Variants in NHLRC2 observed in about 807,000 individuals in gnomAD.
NHLRC2 encodes the protein NHL repeat-containing protein 2.
NHLRC2 carries 33 observed loss-of-function variants against 68.1 expected under a neutral mutation model. The observed-to-expected ratio is 0.48, with a 90% confidence interval of 0.37 to 0.65. The LOEUF (loss-of-function observed/expected upper bound fraction) is 0.65. NHLRC2 is among the 30% of genes least tolerant of loss of function. The pLI is 0.00. For missense variants in NHLRC2, 761 were observed against 853.8 expected (o/e 0.89, Z 1.35); for synonymous variants, 311 against 309.6 (o/e 1.00, Z -0.05).
At chr10:113,869,499 G>A (rs1409667654) in intron 2 of NHLRC2, among the ~76,000 whole-genome samples, 3 of 151,948 alleles carry the variant, frequency 2.0e-5, no homozygotes, top group African/African-American at 7.3e-5. Context: ...TTTGTCCCAC[G>A]TTCTCCATTG....
chr10:113,861,302 A>T (rs886599148), intron 2 of NHLRC2, among the ~76,000 whole-genome samples: 1 of 152,350 alleles, frequency 6.6e-6, no homozygotes, highest in Middle Eastern at 3.4e-3. Flanking sequence ...AAACATGAAC[A>T]CAAACATCTA....
At chr10:113,877,880 T>C (rs1198370096) in intron 3 of NHLRC2, among the ~76,000 whole-genome samples, 1 of 152,184 alleles carries the variant, frequency 6.6e-6, no homozygotes, top group Non-Finnish European at 1.5e-5. Flanking sequence ...CTACTTGGTA[T>C]TTTGATTTAT....
rs982376942 is a variant in NHLRC2 at position 113,914,027 on chromosome 10, G to A, written c.*5491G>A. 1 of 151,698 alleles carries A rather than the reference G, an allele frequency of 6.6e-6. No individual in the cohort carries two copies. Among genetic ancestry groups the A allele is most frequent in the Non-Finnish European group, 1.5e-5 (1 of 67,968 alleles). 9.4% of individuals were successfully genotyped at this position (151,698 alleles called of 1,614,324 possible). A position where few individuals can be genotyped will look rare whatever the true frequency, so the allele number is the denominator to read the frequency against. On this transcript the variant is annotated 3_prime_UTR_variant, in exon 11 of 11. Transcript: ENST00000369301. ...CCACCACAATGCCCGGCTAATTTTT[G>A]TACTTTTAGTAGAAACAGGGTTTCT...
At chr10:113,884,473 T>C in intron 5 of NHLRC2, 93 bp downstream of exon 5, 1 of 1,013,278 alleles carries the variant, frequency 9.9e-7, no homozygotes, top group African/African-American at 1.6e-5. Context: ...ATTCCATTAC[T>C]AGTTATTTTA....
chr10:113,910,049 A>AG lies in NHLRC2; in HGVS notation c.*1514dup, dbSNP rs1367761228. On this transcript the variant is annotated 3_prime_UTR_variant, in exon 11 of 11. Transcript: ENST00000369301. ...TCATCTACTGAAGCTACTTTTAAAG[A>AG]GAAATATAGATATAAAATTAAAAGG... is the stretch of plus-strand genomic sequence containing the variant. The AG allele has an allele frequency of 6.6e-6, 1 of 152,252 alleles. No individual in the cohort carries two copies. The highest frequency in any genetic ancestry group is 2.4e-5 in the African/African-American group (1 of 41,464). 9.4% of individuals were successfully genotyped at this position (152,252 alleles called of 1,614,324 possible).
chr10:113,869,817 T>G (rs1012225377), intron 2 of NHLRC2, among the ~76,000 whole-genome samples: 3 of 152,238 alleles, frequency 2.0e-5, no homozygotes, highest in Non-Finnish European at 4.4e-5. Context: ...ATAATTACTG[T>G]GATAATTTAT....
intron 2 of NHLRC2, among the ~76,000 whole-genome samples, chr10:113,872,561 T>G (rs1351301423): frequency 6.6e-6 from 1 of 151,658 alleles, no homozygotes; most frequent in Non-Finnish European, 1.5e-5. Context: ...AAAAACAGCT[T>G]GAATCAGAAA....
intron 5 of NHLRC2, among the ~76,000 whole-genome samples, chr10:113,886,920 C>G (rs1846088015): frequency 6.6e-6 from 1 of 152,130 alleles, no homozygotes; most frequent in African/African-American, 2.4e-5. Flanking sequence ...AAACAGTTAA[C>G]AGAATGAAGA....
intron 5 of NHLRC2, among the ~76,000 whole-genome samples, chr10:113,895,940 A>C (rs1420751675): frequency 2.0e-5 from 3 of 152,190 alleles, no homozygotes; most frequent in African/African-American, 4.8e-5. Flanking sequence ...GTAGCATTTT[A>C]AAAATATTTG....
At chr10:113,860,946 GGT>G (rs1554899386) in intron 2 of NHLRC2, among the ~76,000 whole-genome samples, 1 of 152,194 alleles carries the variant, frequency 6.6e-6, no homozygotes, top group Non-Finnish European at 1.5e-5. Context: ...ATGGTGGAAA[GGT>G]GATACTCAGT....
At chr10:113,882,622 ATTT>A (rs968596960) in intron 4 of NHLRC2, among the ~76,000 whole-genome samples, 1 of 151,512 alleles carries the variant, frequency 6.6e-6, no homozygotes, top group Non-Finnish European at 1.5e-5. Context: ...TTTACAAATG[ATTT>A]TTCACATTTT....
chr10:113,868,043 C>T (rs995710279), intron 2 of NHLRC2, among the ~76,000 whole-genome samples: 9 of 152,108 alleles, frequency 5.9e-5, no homozygotes, highest in African/African-American at 2.2e-4. Flanking sequence ...GGCTGGATTT[C>T]ACTGGTGCGA....
intron 2 of NHLRC2, among the ~76,000 whole-genome samples, chr10:113,865,090 C>T (rs530363347): frequency 6.6e-6 from 1 of 152,010 alleles, no homozygotes; most frequent in South Asian, 2.1e-4. Flanking sequence ...GCTGGGACTA[C>T]AGGCGCTCCT....
intron 5 of NHLRC2, among the ~76,000 whole-genome samples, chr10:113,894,690 T>G (rs1846162669): frequency 6.6e-6 from 1 of 152,150 alleles, no homozygotes; most frequent in Non-Finnish European, 1.5e-5. Flanking sequence ...TTAAGTAGGA[T>G]GTTTGCTGTG....
intron 1 of NHLRC2, 49 bp downstream of exon 1, chr10:113,855,099 C>A: frequency 1.4e-6 from 2 of 1,475,594 alleles, no homozygotes; most frequent in Non-Finnish European, 9.3e-7. Flanking sequence ...CCTCCCCTTC[C>A]TCGGGGACGG....
chr10:113,890,180 C>T (rs910461864), intron 5 of NHLRC2, among the ~76,000 whole-genome samples: 1 of 152,208 alleles, frequency 6.6e-6, no homozygotes, highest in Admixed American at 6.5e-5. Context: ...GCCTGAAGAA[C>T]TTCTTATGAC....
At position 113,858,208 on chromosome 10, in the gene NHLRC2, C is replaced by T. The variant is rs1053177095; in HGVS notation, c.179-320C>T. 2.0e-5 allele frequency among the ~76,000 whole-genome samples: 3 copies of T among 151,964 alleles called. No homozygotes were observed. In the South Asian group the frequency reaches 6.2e-4, roughly 32 times the overall value. On this transcript the variant is annotated intron_variant, in intron 1 of 10. Coordinates refer to ENST00000369301, the MANE Select transcript of NHLRC2 (RefSeq NM_198514.4). ...TCCTCCTGCTCCCCCACCCGTACCCCCATCCCTTCCTTTTCTTTCTTCCCT... is the reference window on the plus strand; with the variant it reads ...TCCTCCTGCTCCCCCACCCGTACCCTCATCCCTTCCTTTTCTTTCTTCCCT...
intron 2 of NHLRC2, among the ~76,000 whole-genome samples, chr10:113,874,626 A>G (rs1845961725): frequency 6.6e-6 from 1 of 151,806 alleles, no homozygotes; most frequent in African/African-American, 2.4e-5. Flanking sequence ...TTGGGACATT[A>G]CTCAGTTATT....
Position 113,887,585 on chromosome 10 carries a change from C to A in NHLRC2, c.1039+3205C>A, listed in dbSNP as rs761585601. ...AGGAGTTCAAGACCAGCCTCGCCAACGTGGTGAAGCCCCGTCTATACAAGA... is the reference window on the plus strand; with the variant it reads ...AGGAGTTCAAGACCAGCCTCGCCAAAGTGGTGAAGCCCCGTCTATACAAGA... On this transcript the variant is annotated intron_variant, in intron 5 of 10. Coordinates refer to ENST00000369301, the MANE Select transcript of NHLRC2 (RefSeq NM_198514.4). Among the ~76,000 whole-genome samples the A allele has an allele frequency of 4.6e-4, 70 of 152,060 alleles. 1 individual carries two copies. Among genetic ancestry groups the A allele is most frequent in the Admixed American group, 7.9e-4 (12 of 15,268 alleles).
Sources: gnomAD v4.1 joint callset for allele counts (sites outside exome capture counted in the v4.1 genomes callset) on GRCh38, gnomAD v4.1.1 for gene constraint, MANE v1.5 for transcripts, NCBI Gene and HGNC (gene_info 2026-07-23, HGNC 2026-07-21) for gene names.